ZNRF1: variants seen among roughly 807,000 people sequenced by gnomAD.
The protein encoded by ZNRF1 is E3 ubiquitin-protein ligase ZNRF1.
In ZNRF1, 3 loss-of-function variants were observed where a neutral mutation model predicts 18.4. The observed-to-expected ratio is 0.16, with a 90% CI of 0.07 to 0.42. The LOEUF is 0.42. ZNRF1 is among the 10% of genes least tolerant of loss of function. The pLI, the probability that ZNRF1 is intolerant of heterozygous loss-of-function variation, is 0.99. For missense variants in ZNRF1, 310 were observed against 329.8 expected (o/e 0.94, Z 0.47); for synonymous variants, 157 against 144.2 (o/e 1.09, Z -0.64).
At chr16:75,048,025 C>G (rs2035538583) in intron 1 of ZNRF1, among the ~76,000 whole-genome samples, 1 of 151,608 alleles carries the variant, frequency 6.6e-6, no homozygotes, top group Non-Finnish European at 1.5e-5. Flanking sequence ...GATCATGGCT[C>G]ACTATAGCCT....
intron 1 of ZNRF1, among the ~76,000 whole-genome samples, chr16:75,049,363 T>G (rs1346035327): frequency 1.3e-5 from 2 of 152,030 alleles, no homozygotes; most frequent in East Asian, 3.9e-4. Flanking sequence ...GGTCTCGCTC[T>G]GTTGCCCAGG....
chr16:75,025,050 ATTATT>A (rs1017289735), intron 1 of ZNRF1, among the ~76,000 whole-genome samples: 3 of 151,832 alleles, frequency 2.0e-5, no homozygotes, highest in Admixed American at 2.0e-4. Flanking sequence ...TGTGGATTTT[ATTATT>A]TTATTTAATT....
At chr16:75,007,156 C>CCTCCTTCCTCAGGAAGGAAGG in intron 1 of ZNRF1, among the ~76,000 whole-genome samples, 1 of 151,462 alleles carries the variant, frequency 6.6e-6, no homozygotes, top group Non-Finnish European at 1.5e-5. Flanking sequence ...CTGTAGGGCT[C>CCTCCTTCCTCAGGAAGGAAGG]AAGCGATCCT....
chr16:75,023,049 C>T (rs574953394), intron 1 of ZNRF1, among the ~76,000 whole-genome samples: 19 of 152,210 alleles, frequency 1.2e-4, no homozygotes, highest in Non-Finnish European at 2.4e-4. Flanking sequence ...ATGTTGAATA[C>T]GCTTTGGGGA....
intron 1 of ZNRF1, among the ~76,000 whole-genome samples, chr16:75,056,259 AG>A (rs1402028218): frequency 6.6e-6 from 1 of 152,262 alleles, no homozygotes; most frequent in African/African-American, 2.4e-5. Flanking sequence ...TATTCAGCCC[AG>A]CGTGTAAGCC....
intron 1 of ZNRF1, among the ~76,000 whole-genome samples, chr16:75,064,562 A>G (rs11640325): frequency 0.1 from 13,681 of 130,874 alleles, 727 homozygotes; most frequent in African/African-American, 0.15. Flanking sequence ...TCTCCGAGGG[A>G]AAAAAAAAAA....
At chr16:75,083,371 G>T (rs1428894419) in intron 1 of ZNRF1, among the ~76,000 whole-genome samples, 1 of 152,222 alleles carries the variant, frequency 6.6e-6, no homozygotes, top group Admixed American at 6.5e-5. Context: ...TCTGGCTAGT[G>T]ATTGGGAAAG....
intron 1 of ZNRF1, among the ~76,000 whole-genome samples, chr16:75,048,590 T>C (rs1325397233): frequency 6.6e-6 from 1 of 152,214 alleles, no homozygotes; most frequent in Admixed American, 6.5e-5. Context: ...TACCTTTCAC[T>C]GAGTTGAAGA....
intron 1 of ZNRF1, among the ~76,000 whole-genome samples, chr16:75,016,621 T>C (rs1244234900): frequency 6.7e-6 from 1 of 149,224 alleles, no homozygotes; most frequent in African/African-American, 2.5e-5. Flanking sequence ...CTGCAACGTC[T>C]GCCTCCCGGG....
At chr16:75,054,349 G>A (rs544175888) in intron 1 of ZNRF1, among the ~76,000 whole-genome samples, 8 of 152,346 alleles carry the variant, frequency 5.3e-5, no homozygotes, top group Middle Eastern at 3.4e-3. Flanking sequence ...GTGGTGAGGC[G>A]TGGCCCTGCT....
At chr16:75,086,931 G>T (rs780329185) in intron 1 of ZNRF1, among the ~76,000 whole-genome samples, 11 of 151,932 alleles carry the variant, frequency 7.2e-5, no homozygotes, top group Non-Finnish European at 1.3e-4. Context: ...TTAAAATAGC[G>T]CATCAGCATG....
intron 1 of ZNRF1, among the ~76,000 whole-genome samples, chr16:75,080,135 C>G (rs113409984): frequency 6.6e-6 from 1 of 152,128 alleles, no homozygotes; most frequent in Non-Finnish European, 1.5e-5. Flanking sequence ...AAGCTGGTCT[C>G]GAACTCCTGA....
intron 1 of ZNRF1, chr16:75,046,945 A>G (rs544814504): frequency 4.6e-5 from 7 of 153,536 alleles, no homozygotes; most frequent in African/African-American, 1.7e-4. Context: ...TAGCACCAAA[A>G]TGAAATGTTT....
intron 2 of ZNRF1, among the ~76,000 whole-genome samples, chr16:75,096,331 AG>A (rs2036200355): frequency 6.6e-6 from 1 of 152,108 alleles, no homozygotes; most frequent in Admixed American, 6.5e-5. Flanking sequence ...TCCAGGTAAG[AG>A]GAGAGCATTT....
At chr16:75,009,251 C>T (rs112182069) in intron 1 of ZNRF1, among the ~76,000 whole-genome samples, 2 of 152,192 alleles carry the variant, frequency 1.3e-5, no homozygotes, top group African/African-American at 4.8e-5. Flanking sequence ...CCCTCTCCCC[C>T]ACCTCCCCAG....
rs186726273 is a variant in ZNRF1 at position 75,067,880 on chromosome 16, A to G, written c.425-25692A>G. Among the ~76,000 whole-genome samples the G allele has an allele frequency of 1.7e-3, 264 of 152,314 alleles. 1 individual carries two copies. The highest frequency in any genetic ancestry group is 5.6e-3 in the African/African-American group (233 of 41,554). On this transcript the variant is annotated intron_variant, in intron 1 of 4. Transcript: ENST00000335325. ...TACGTCTCTTATCTACAAATCTGAA[A>G]TCCAGAACACTCTGAAAATTAAATG...
intron 1 of ZNRF1, among the ~76,000 whole-genome samples, chr16:75,028,888 A>G (rs1359084917): frequency 6.6e-6 from 1 of 151,958 alleles, no homozygotes; most frequent in African/African-American, 2.4e-5. Context: ...TTTTCTTCCT[A>G]TCTCTCTCAT....
chr16:75,023,940 G>A (rs144107878), intron 1 of ZNRF1, among the ~76,000 whole-genome samples: 7,265 of 145,362 alleles, frequency 0.05, 279 homozygotes, highest in Non-Finnish European at 0.074. Flanking sequence ...GTGTGATCTC[G>A]GCCCACTGCA....
intron 1 of ZNRF1, among the ~76,000 whole-genome samples, chr16:75,003,517 A>G (rs1329827163): frequency 6.6e-6 from 1 of 152,172 alleles, no homozygotes; most frequent in East Asian, 1.9e-4. Flanking sequence ...CAGGTAAGGA[A>G]ACAGGTTTGG....
Sources: allele counts gnomAD v4.1 joint callset (sites outside exome capture counted in the v4.1 genomes callset), GRCh38; gene constraint gnomAD v4.1.1; transcripts MANE v1.5; gene names NCBI Gene and HGNC (gene_info 2026-07-23, HGNC 2026-07-21).